Variants in BNC2 observed in about 807,000 individuals in gnomAD.
BNC2 encodes the protein zinc finger protein basonuclin-2.
In BNC2, 20 loss-of-function variants were observed where a neutral mutation model predicts 76.3. The ratio of observed to expected loss-of-function variants is 0.26; its 90% CI spans 0.18 to 0.38. The LOEUF (loss-of-function observed/expected upper bound fraction) is 0.38, where lower values mean the gene tolerates loss of function less well. BNC2 is among the 10% of genes least tolerant of loss of function. BNC2 has a pLI of 1.00. For synonymous variants in BNC2, 582 were observed against 514.8 expected, an observed-to-expected ratio of 1.13 and a Z score of -1.77; for missense variants, 1,382 against 1,399.8, an observed-to-expected ratio of 0.99 and a Z score of 0.20.
intron 3 of BNC2, among the ~76,000 whole-genome samples, chr9:16,645,392 C>T (rs996245458): frequency 2.0e-5 from 3 of 152,172 alleles, no homozygotes; most frequent in African/African-American, 7.2e-5. Flanking sequence ...GAATTCAATG[C>T]AGTTAGAGGC....
intron 3 of BNC2, among the ~76,000 whole-genome samples, chr9:16,675,232 A>T (rs1394989097): frequency 6.6e-6 from 1 of 151,820 alleles, no homozygotes; most frequent in African/African-American, 2.4e-5. Flanking sequence ...GGATTATACA[A>T]AACAAGGACT....
At chr9:16,727,412 C>G (rs919862030) in intron 3 of BNC2, 2 of 198,064 alleles carry the variant, frequency 1.0e-5, no homozygotes, top group Non-Finnish European at 2.1e-5. Flanking sequence ...GAACCTACTC[C>G]GAGAGAGCAA....
rs146630442 is a variant in BNC2 at position 16,755,300 on chromosome 9, G to A, written c.4-16815C>T. Among the ~76,000 whole-genome samples, 706 of 152,266 alleles carry A rather than the reference G, an allele frequency of 4.6e-3. 2 individuals are homozygous for A. Among genetic ancestry groups the A allele is most frequent in the African/African-American group, 0.016 (669 of 41,570 alleles). On this transcript the variant is annotated intron_variant, in intron 1 of 6. Coordinates refer to ENST00000380672, the MANE Select transcript of BNC2 (RefSeq NM_017637.6). The stretch of plus-strand genomic sequence containing the variant: ...CACAGGAGACCCAGGGGACTGAAGA[G>A]AATGCATAATCAGTGAACAAAAGGA...
chr9:16,525,189 A>G (rs1331492252), intron 5 of BNC2, among the ~76,000 whole-genome samples: 1 of 152,218 alleles, frequency 6.6e-6, no homozygotes, highest in Non-Finnish European at 1.5e-5. Context: ...AAGGACTTGA[A>G]GATCTTTCTA....
chr9:16,783,172 C>T (rs1826199778), intron 1 of BNC2, among the ~76,000 whole-genome samples: 1 of 152,122 alleles, frequency 6.6e-6, no homozygotes, highest in Non-Finnish European at 1.5e-5. Context: ...TTAAGGGAGA[C>T]AATTAAAATA....
At chr9:16,627,202 T>C (rs191158614) in intron 3 of BNC2, among the ~76,000 whole-genome samples, 19 of 152,194 alleles carry the variant, frequency 1.2e-4, no homozygotes, top group Non-Finnish European at 2.2e-4. Flanking sequence ...AAGGGAACAG[T>C]TGAAAAACAG....
intron 5 of BNC2, among the ~76,000 whole-genome samples, chr9:16,474,837 T>C (rs1259351941): frequency 1.3e-5 from 2 of 152,120 alleles, no homozygotes; most frequent in East Asian, 1.9e-4. Context: ...CTCCCAGTCA[T>C]TAAAAAAACC....
At chr9:16,654,066 T>A (rs1003773822) in intron 3 of BNC2, among the ~76,000 whole-genome samples, 3 of 152,208 alleles carry the variant, frequency 2.0e-5, no homozygotes, top group African/African-American at 7.2e-5. Context: ...CAGAGTGATC[T>A]GGGCTTTAAC....
chr9:16,536,341 A>T (rs1351820767), intron 5 of BNC2, among the ~76,000 whole-genome samples: 1 of 152,212 alleles, frequency 6.6e-6, no homozygotes, highest in Non-Finnish European at 1.5e-5. Flanking sequence ...ATTTAATAAA[A>T]GTGGTCTAAA....
At chr9:16,485,350 C>T (rs1371640927) in intron 5 of BNC2, among the ~76,000 whole-genome samples, 3 of 152,138 alleles carry the variant, frequency 2.0e-5, no homozygotes, top group Non-Finnish European at 4.4e-5. Context: ...TCTCTTGTAG[C>T]CCAGTTTGCA....
intron 5 of BNC2, among the ~76,000 whole-genome samples, chr9:16,458,123 G>A (rs1326368337): frequency 6.6e-6 from 1 of 152,066 alleles, no homozygotes; most frequent in Admixed American, 6.5e-5. Context: ...TAACATTACT[G>A]AAAACATAGT....
At chr9:16,710,942 T>A (rs1024700768) in intron 3 of BNC2, among the ~76,000 whole-genome samples, 1 of 152,182 alleles carries the variant, frequency 6.6e-6, no homozygotes, top group Non-Finnish European at 1.5e-5. Flanking sequence ...AGTCCTTAAT[T>A]GGCTGGGCTT....
At chr9:16,511,025 G>T (rs1342846392) in intron 5 of BNC2, among the ~76,000 whole-genome samples, 1 of 151,842 alleles carries the variant, frequency 6.6e-6, no homozygotes, top group Non-Finnish European at 1.5e-5. Context: ...GAGAAGGATA[G>T]GCAAAACTTG....
intron 6 of BNC2, chr9:16,421,397 T>C: frequency 2.7e-6 from 2 of 727,510 alleles, no homozygotes; most frequent in Non-Finnish European, 4.0e-6. Flanking sequence ...CATCTGGTTT[T>C]GAAAAACTTA....
intron 1 of BNC2, among the ~76,000 whole-genome samples, chr9:16,751,276 A>AC (rs1187218618): frequency 6.6e-6 from 1 of 151,840 alleles, no homozygotes; most frequent in Non-Finnish European, 1.5e-5. Context: ...TAAAAAAAAA[A>AC]AAACCCTAGT....
rs556184693 is a variant in BNC2 at position 16,818,328 on chromosome 9, T to C, written c.3+52318A>G. ...CTGAGGCAGGAGAATGGCGTGAACC[T>C]TGGAGGCGGAGCTTGTAGTGAGCCG... is the stretch of plus-strand genomic sequence containing the variant. On this transcript the variant is annotated intron_variant, in intron 1 of 6. Transcript: ENST00000380672. Among the ~76,000 whole-genome samples the C allele has an allele frequency of 1.4e-4, 21 of 152,164 alleles. 1 individual carries two copies. The South Asian group carries it at 1.7e-3, about 12-fold the overall frequency.
chr9:16,863,819 T>C (rs1170092260), intron 1 of BNC2, among the ~76,000 whole-genome samples: 2 of 152,198 alleles, frequency 1.3e-5, no homozygotes, highest in African/African-American at 4.8e-5. Context: ...TTTGAAAAGT[T>C]ATTGGAGAAC....
chr9:16,562,519 C>T (rs796326873), intron 4 of BNC2, among the ~76,000 whole-genome samples: 11 of 152,316 alleles, frequency 7.2e-5, no homozygotes, highest in African/African-American at 2.6e-4. Context: ...TTACAGCCTA[C>T]ATAATCAAAT....
chr9:16,420,579 C>T (rs552061053), intron 6 of BNC2, among the ~76,000 whole-genome samples: 49 of 152,122 alleles, frequency 3.2e-4, no homozygotes, highest in African/African-American at 1.1e-3. Context: ...ACAACAATAA[C>T]ATAGGGTTCC....
Sources: allele counts gnomAD v4.1 joint callset (sites outside exome capture counted in the v4.1 genomes callset), GRCh38; gene constraint gnomAD v4.1.1; transcripts MANE v1.5; gene names NCBI Gene and HGNC (gene_info 2026-07-23, HGNC 2026-07-21).